SPPL3: variants seen among roughly 807,000 people sequenced by gnomAD.
The protein encoded by SPPL3 is signal peptide peptidase like 3, also known as signal peptide peptidase-like 3.
Under a neutral mutation model 42.4 loss-of-function variants are expected in SPPL3, and 5 were observed. The observed-to-expected ratio is 0.12, with a 90% CI of 0.06 to 0.25. The LOEUF (loss-of-function observed/expected upper bound fraction) is 0.25, where lower values mean the gene tolerates loss of function less well. Ranked by LOEUF, SPPL3 falls within the 10% of genes least tolerant of loss-of-function variation. SPPL3 has a pLI of 1.00. For synonymous variants in SPPL3, 195 were observed against 181.8 expected (o/e 1.07, Z -0.58); for missense variants, 235 against 489.0 (o/e 0.48, Z 4.90).
intron 1 of SPPL3, among the ~76,000 whole-genome samples, chr12:120,869,323 T>G (rs1872853291): frequency 6.6e-6 from 1 of 152,236 alleles, no homozygotes; most frequent in South Asian, 2.1e-4. Context: ...TACTCACTCC[T>G]TGATTTACAC....
intron 1 of SPPL3, among the ~76,000 whole-genome samples, chr12:120,823,773 C>A (rs540888521): frequency 2.6e-5 from 4 of 152,156 alleles, no homozygotes; most frequent in Non-Finnish European, 5.9e-5. Context: ...ATTATGATCC[C>A]CATTTTGTAC....
At chr12:120,766,239 C>T (rs1456800672) in intron 10 of SPPL3, 24 bp downstream of exon 10, 4 of 1,538,756 alleles carry the variant, frequency 2.6e-6, no homozygotes, top group Admixed American at 2.0e-5. Context: ...ATTGCTTTCA[C>T]AGGTTTATAA....
At chr12:120,768,923 G>T in intron 7 of SPPL3, 30 bp downstream of exon 7, 1 of 1,555,940 alleles carries the variant, frequency 6.4e-7, no homozygotes, top group South Asian at 1.2e-5. Flanking sequence ...CACAAAGAAG[G>T]GGAGGAGCTC....
chr12:120,821,307 C>G (rs1871060551), intron 1 of SPPL3, among the ~76,000 whole-genome samples: 1 of 152,244 alleles, frequency 6.6e-6, no homozygotes, highest in South Asian at 2.1e-4. Context: ...GTCCTCACAT[C>G]ATAGTTTCCA....
In SPPL3 at chr12:120,852,738, TA is replaced by T. The variant is rs771036582; in HGVS notation, c.24-41853del. ...ATATATTTTATATATAATATACATATAATATATTTCATATATTATATCTATG... is the reference window on the plus strand; with the variant it reads ...ATATATTTTATATATAATATACATATATATATTTCATATATTATATCTATG... On this transcript the variant is annotated intron_variant, in intron 1 of 10. Transcript: ENST00000353487. Among the ~76,000 whole-genome samples, 4 of 50,280 alleles carry T rather than the reference TA, an allele frequency of 8.0e-5. 1 individual carries two copies. The highest frequency in any genetic ancestry group is 1.2e-3 in the East Asian group (2 of 1,622). 33.0% of individuals were successfully genotyped at this position (50,280 alleles called of 152,430 possible).
intron 6 of SPPL3, among the ~76,000 whole-genome samples, chr12:120,772,289 T>C (rs377389274): frequency 7.9e-5 from 12 of 152,330 alleles, no homozygotes; most frequent in African/African-American, 2.9e-4. Context: ...CCCAAAGTGC[T>C]GGGATTACAG....
intron 1 of SPPL3, among the ~76,000 whole-genome samples, chr12:120,886,217 T>C (rs1174481401): frequency 6.6e-6 from 1 of 152,100 alleles, no homozygotes; most frequent in Non-Finnish European, 1.5e-5. Context: ...ACACAATCTA[T>C]ACAACAGCCC....
chr12:120,796,457 T>C (rs1015035616), intron 2 of SPPL3, among the ~76,000 whole-genome samples: 31 of 152,248 alleles, frequency 2.0e-4, no homozygotes, highest in Admixed American at 4.6e-4. Flanking sequence ...TGATGTACTT[T>C]GCTCATACTA....
intron 2 of SPPL3, among the ~76,000 whole-genome samples, chr12:120,809,610 G>A (rs1186950748): frequency 1.3e-5 from 2 of 152,130 alleles, no homozygotes; most frequent in African/African-American, 4.8e-5. Context: ...AACTATTTGA[G>A]TTATACAACC....
chr12:120,849,592 C>T (rs1366778426), intron 1 of SPPL3, among the ~76,000 whole-genome samples: 1 of 152,196 alleles, frequency 6.6e-6, no homozygotes, highest in Non-Finnish European at 1.5e-5. Context: ...AATATATACT[C>T]TGTACGAAGT....
At chr12:120,772,368 C>T (rs1327994367) in intron 6 of SPPL3, among the ~76,000 whole-genome samples, 1 of 152,172 alleles carries the variant, frequency 6.6e-6, no homozygotes, top group Non-Finnish European at 1.5e-5. Flanking sequence ...GAATGTCTCT[C>T]AACTCACTCA....
At chr12:120,782,571 G>C in intron 6 of SPPL3, 84 bp downstream of exon 6, 1 of 1,076,044 alleles carries the variant, frequency 9.3e-7, no homozygotes, top group South Asian at 1.4e-5. Context: ...TTGTAGTGAT[G>C]GTTGTACAGC....
At position 120,789,456 on chromosome 12, in the gene SPPL3, A is replaced by AAAAAAAAAAG. The variant is rs1168151001; in HGVS notation, c.190+2012_190+2013insCTTTTTTTTT. Among the ~76,000 whole-genome samples the AAAAAAAAAAG allele has an allele frequency of 2.6e-5, 4 of 151,148 alleles. No homozygotes were observed. In the East Asian group the frequency reaches 7.8e-4, roughly 29 times the overall value. ...GTGACAGTGAGACTCTGTCTCAAAAAAAAAAAGAAAAAAAGCATTTAAAAA... is the reference window on the plus strand; with the variant it reads ...GTGACAGTGAGACTCTGTCTCAAAAAAAAAAAAAAGAAAAAAGAAAAAAAGCATTTAAAAA... On this transcript the variant is annotated intron_variant, in intron 3 of 10. Transcript: ENST00000353487.
At chr12:120,878,820 A>G (rs1352558143) in intron 1 of SPPL3, among the ~76,000 whole-genome samples, 1 of 152,176 alleles carries the variant, frequency 6.6e-6, no homozygotes, top group African/African-American at 2.4e-5. Context: ...AGGGTTAAGA[A>G]TAAGACGATA....
intron 3 of SPPL3, among the ~76,000 whole-genome samples, chr12:120,785,266 ATTTAT>A (rs1479652483): frequency 6.6e-6 from 1 of 151,026 alleles, no homozygotes; most frequent in Non-Finnish European, 1.5e-5. Flanking sequence ...AAAAAAAAAA[ATTTAT>A]TTTATGGGAA....
At chr12:120,880,730 T>C (rs1212279405) in intron 1 of SPPL3, among the ~76,000 whole-genome samples, 1 of 150,128 alleles carries the variant, frequency 6.7e-6, no homozygotes, top group African/African-American at 2.5e-5. Flanking sequence ...GAGGTTGCAG[T>C]GAGCCGAGAT....
At chr12:120,889,235 T>A (rs911545214) in intron 1 of SPPL3, among the ~76,000 whole-genome samples, 3 of 152,184 alleles carry the variant, frequency 2.0e-5, no homozygotes, top group African/African-American at 7.2e-5. Context: ...TAGAAGAGCA[T>A]GAAAAAGCGA....
intron 1 of SPPL3, among the ~76,000 whole-genome samples, chr12:120,827,912 C>T (rs979068417): frequency 1.3e-5 from 2 of 152,092 alleles, no homozygotes; most frequent in African/African-American, 2.4e-5. Context: ...CTCAGCCTCC[C>T]GAGGAGCTGG....
chr12:120,765,182 T>C, intron 10 of SPPL3, 112 bp from the exon 11 acceptor site: 2 of 931,416 alleles, frequency 2.1e-6, no homozygotes, highest in Non-Finnish European at 3.1e-6. Flanking sequence ...TTCCTATATA[T>C]TGGCCAGGCT....
Sources: gnomAD v4.1 joint callset for allele counts (sites outside exome capture counted in the v4.1 genomes callset) on GRCh38, gnomAD v4.1.1 for gene constraint, MANE v1.5 for transcripts, NCBI Gene and HGNC (gene_info 2026-07-23, HGNC 2026-07-21) for gene names.